The following CDK8 variants were observed in gnomAD, a reference collection of about 807,000 sequenced individuals.
CDK8 encodes cyclin dependent kinase 8.
Under a neutral mutation model 71.5 loss-of-function variants are expected in CDK8, and 29 were observed. That is an observed-to-expected ratio of 0.41 (90% CI 0.30 to 0.55). The LOEUF is 0.55. CDK8 is among the 20% of genes least tolerant of loss of function. CDK8 has a pLI of 0.37. For synonymous variants in CDK8, 161 were observed against 192.1 expected (o/e 0.84, Z 1.34); for missense variants, 288 against 572.6 (o/e 0.50, Z 5.07).
At chr13:26,388,018 C>T (rs1489365283) in intron 6 of CDK8, among the ~76,000 whole-genome samples, 2 of 152,158 alleles carry the variant, frequency 1.3e-5, no homozygotes, top group Non-Finnish European at 2.9e-5. Context: ...AATCTTGTCT[C>T]TGACAGTCTC....
At position 26,309,052 on chromosome 13, in the gene CDK8, T is replaced by C. The variant is rs1196642750; in HGVS notation, c.129-28515T>C. On this transcript the variant is annotated intron_variant, in intron 1 of 12. Transcript: ENST00000381527. ...AGAAATAAATGAATCAGCATTTTCC[T>C]GTACTTACGACAGTGCTAGGAACAT... Among the ~76,000 whole-genome samples, 4 of 152,272 alleles carry C rather than the reference T, an allele frequency of 2.6e-5. No individual in the cohort carries two copies. The East Asian group carries it at 5.8e-4, about 22-fold the overall frequency.
Position 26,353,815 on chromosome 13 carries a change from C to T in CDK8, c.391C>T (p.Leu131=), listed in dbSNP as rs764463859. The T allele has an allele frequency of 2.5e-5, 41 of 1,612,878 alleles. No individual in the cohort carries two copies. The highest frequency in any genetic ancestry group is 3.3e-5 in the South Asian group (3 of 91,068). The part of the protein sequence containing the change: ...VQLPRGMVKS[L]LYQILDGIHY... ...GTTACCTCGGGGAATGGTGAAGTCACTATTATATCAGATCCTAGATGGTAT... is the reference window on the plus strand; with the variant it reads ...GTTACCTCGGGGAATGGTGAAGTCATTATTATATCAGATCCTAGATGGTAT... Residue 131 remains leucine, a synonymous_variant, in exon 4 of 13, where the codon CTA becomes TTA. Transcript: ENST00000381527.
At chr13:26,342,826 A>G (rs1873300420) in intron 2 of CDK8, among the ~76,000 whole-genome samples, 1 of 152,232 alleles carries the variant, frequency 6.6e-6, no homozygotes, top group Non-Finnish European at 1.5e-5. Flanking sequence ...ACAAAATACT[A>G]CAGGCTGGGT....
At position 26,404,075 on chromosome 13, in the gene CDK8, G is replaced by T. The variant is rs1312441848; in HGVS notation, c.1389G>T (p.Arg463=). 1.9e-6 allele frequency: 3 copies of T among 1,613,862 alleles called. No homozygotes were observed. Among genetic ancestry groups the T allele is most frequent in the Non-Finnish European group, 2.5e-6 (3 of 1,179,912 alleles). ...CACAGTACTCACATCAGACACATCG[G>T]TACTGAGCTGCATCGGAATCTTGTC... The part of the protein sequence containing the change: ...QPPQYSHQTH[R]Y Residue 463 remains arginine (R), a synonymous_variant, in exon 13 of 13, where the codon CGG becomes CGT. Coordinates refer to ENST00000381527, the MANE Select transcript of CDK8 (RefSeq NM_001260.3).
intron 1 of CDK8, among the ~76,000 whole-genome samples, chr13:26,310,607 G>C (rs750840121): frequency 6.6e-6 from 1 of 152,112 alleles, no homozygotes; most frequent in African/African-American, 2.4e-5. Context: ...ATCTAATGTC[G>C]CTACTGATAT....
intron 4 of CDK8, among the ~76,000 whole-genome samples, chr13:26,375,817 T>G (rs1874920279): frequency 6.6e-6 from 1 of 152,200 alleles, no homozygotes; most frequent in Admixed American, 6.5e-5. Context: ...AAAAGTCCAG[T>G]TTTAGAACAA....
intron 1 of CDK8, among the ~76,000 whole-genome samples, chr13:26,269,325 A>G (rs1872185373): frequency 6.6e-6 from 1 of 152,238 alleles, no homozygotes; most frequent in African/African-American, 2.4e-5. Flanking sequence ...TTTTATCTAA[A>G]AACCTATTTT....
intron 4 of CDK8, among the ~76,000 whole-genome samples, chr13:26,380,151 G>A (rs370002905): frequency 6.6e-6 from 1 of 152,108 alleles, no homozygotes; most frequent in East Asian, 1.9e-4. Flanking sequence ...TGTAGGAGTG[G>A]GGGAGGACCA....
intron 1 of CDK8, among the ~76,000 whole-genome samples, chr13:26,315,646 G>C (rs976835989): frequency 3.3e-5 from 5 of 152,140 alleles, no homozygotes; most frequent in Non-Finnish European, 7.3e-5. Flanking sequence ...TAGCATTGTG[G>C]TTGAGGATGT....
chr13:26,276,667 G>T (rs1872574136), intron 1 of CDK8, among the ~76,000 whole-genome samples: 2 of 152,226 alleles, frequency 1.3e-5, no homozygotes, highest in South Asian at 4.2e-4. Context: ...GATGCTTAGT[G>T]GTAGACGATT....
At chr13:26,400,429 T>C (rs762774529) in intron 9 of CDK8, 24 bp from the exon 10 acceptor site, 6 of 1,417,726 alleles carry the variant, frequency 4.2e-6, no homozygotes, top group African/African-American at 4.2e-5. Context: ...AATACCGTCA[T>C]GTTTGTATGA....
chr13:26,328,921 A>C (rs1875156828), intron 1 of CDK8, among the ~76,000 whole-genome samples: 1 of 152,016 alleles, frequency 6.6e-6, no homozygotes, highest in Non-Finnish European at 1.5e-5. Flanking sequence ...CCATTCAGCC[A>C]TTTCTACTTC....
At chr13:26,260,550 C>T (rs1448496548) in intron 1 of CDK8, among the ~76,000 whole-genome samples, 2 of 151,988 alleles carry the variant, frequency 1.3e-5, no homozygotes, top group African/African-American at 2.4e-5. Flanking sequence ...TGGATGGTAA[C>T]AAATTGGAAG....
intron 7 of CDK8, among the ~76,000 whole-genome samples, chr13:26,393,863 G>A (rs1417875574): frequency 1.3e-5 from 2 of 152,086 alleles, no homozygotes; most frequent in Admixed American, 1.3e-4. Flanking sequence ...TCAGTAGTAG[G>A]AATTTTTTTC....
chr13:26,294,226 C>T lies in CDK8; in HGVS notation c.128+39457C>T, dbSNP rs372190693. 3.9e-5 allele frequency among the ~76,000 whole-genome samples: 6 copies of T among 151,948 alleles called. No individual in the cohort carries two copies. The South Asian group carries it at 6.2e-4, about 16-fold the overall frequency. ...AGCTCACTGCAGCCTCAGACTCCTGCGCTCAAGCAGTCTCCCGCCTCAGCC... is the reference window on the plus strand; with the variant it reads ...AGCTCACTGCAGCCTCAGACTCCTGTGCTCAAGCAGTCTCCCGCCTCAGCC... On this transcript the variant is annotated intron_variant, in intron 1 of 12. Transcript: ENST00000381527.
At chr13:26,334,955 C>T (rs1210516741) in intron 1 of CDK8, among the ~76,000 whole-genome samples, 4 of 152,090 alleles carry the variant, frequency 2.6e-5, no homozygotes, top group Non-Finnish European at 5.9e-5. Context: ...CTTCCTATTA[C>T]GATGGAATAG....
At chr13:26,340,293 C>T (rs1873187330) in intron 2 of CDK8, among the ~76,000 whole-genome samples, 1 of 152,024 alleles carries the variant, frequency 6.6e-6, no homozygotes. Context: ...TTCTAGATAA[C>T]TTACTGTTAC....
rs1876388977 is a variant in CDK8 at position 26,403,981 on chromosome 13, C to T, written c.1295C>T (p.Pro432Leu). 6.2e-7 allele frequency: 1 copy of T among 1,613,346 alleles called. No homozygotes were observed. Among genetic ancestry groups the T allele is most frequent in the African/African-American group, 1.3e-5 (1 of 74,908 alleles). ...YQRSNPHAAY[P>L]NPGPSTSQPQ... ...CGTTCCAATCCACATGCTGCCTATC[C>T]CAACCCTGGACCAAGCACATCACAG... The change falls in exon 13 of 13, where the codon CCC becomes CTC. Residue 432 changes from proline to leucine, a missense_variant. Physicochemically the swap from Pro to Leu is moderately conservative, Grantham distance 98 (BLOSUM62 -3). Transcript: ENST00000381527.
In CDK8 at chr13:26,254,848, G is replaced by T. The variant is rs1291260563; in HGVS notation, c.128+79G>T. 1.3e-6 allele frequency: 2 copies of T among 1,551,966 alleles called. No homozygotes were observed. The highest frequency in any genetic ancestry group is 1.7e-6 in the Non-Finnish European group (2 of 1,145,584). ...GAGGCAGGTAGCCCGGAGGGAGAGC[G>T]GGCCGCCGGGGTGCCGGGCTCTGAC... On this transcript the variant is annotated intron_variant, in intron 1 of 12. Transcript: ENST00000381527. The surrounding 1 kb of genome is among the most constrained non-coding windows in gnomAD (Gnocchi z 6.7).
Sources: gnomAD v4.1 joint callset for allele counts (sites outside exome capture counted in the v4.1 genomes callset) on GRCh38, gnomAD v4.1.1 for gene constraint, Gnocchi (gnomAD v3.1) non-coding constraint, MANE v1.5 for transcripts, NCBI Gene and HGNC (gene_info 2026-07-23, HGNC 2026-07-21) for gene names.